Variants in ROBO1 observed in about 807,000 individuals in gnomAD.
The protein encoded by ROBO1 is roundabout homolog 1.
In ROBO1, 149 loss-of-function variants were observed where a neutral mutation model predicts 195.9. The ratio of observed to expected loss-of-function variants is 0.76; its 90% CI spans 0.67 to 0.87. ROBO1 has a LOEUF of 0.87. Ranked by LOEUF, ROBO1 falls within the 40% of genes least tolerant of loss-of-function variation. The pLI is 0.00. For synonymous variants in ROBO1, 816 were observed against 733.2 expected, an observed-to-expected ratio of 1.11 and a Z score of -1.82; for missense variants, 1,933 against 2,068.3, an observed-to-expected ratio of 0.93 and a Z score of 1.27.
Position 78,884,392 on chromosome 3 carries a change from G to C in ROBO1, c.499+54209C>G, listed in dbSNP as rs373195626. On this transcript the variant is annotated intron_variant, in intron 4 of 30. Transcript: ENST00000464233. ...TTTGGGAGGCCAAGGTGGGAGGATT[G>C]TTTGAGCTCAAGAGTTCAAGACCAG... Among the ~76,000 whole-genome samples, 9 of 152,030 alleles carry C rather than the reference G, an allele frequency of 5.9e-5. No individual in the cohort carries two copies. In the East Asian group the frequency reaches 1.5e-3, roughly 26 times the overall value.
chr3:78,659,849 GA>G, intron 16 of ROBO1, 42 bp from the exon 17 acceptor site: 1 of 1,537,370 alleles, frequency 6.5e-7, no homozygotes. Context: ...GAATGTGCTA[GA>G]GAACACTGAA....
chr3:78,607,703 T>C (rs1032009643), intron 28 of ROBO1, among the ~76,000 whole-genome samples: 2 of 152,198 alleles, frequency 1.3e-5, no homozygotes, highest in Non-Finnish European at 2.9e-5. Context: ...TGCATGCCTT[T>C]GCTCCTCAGA....
chr3:79,590,073 GAAAC>G, intron 1 of ROBO1, 112 bp from the exon 2 acceptor site: 3 of 516,416 alleles, frequency 5.8e-6, no homozygotes, highest in Non-Finnish European at 1.0e-5. Context: ...TTGAAATAAT[GAAAC>G]AAAATTATTA....
At chr3:79,019,144 C>G in intron 3 of ROBO1, 1 of 986,398 alleles carries the variant, frequency 1.0e-6, no homozygotes, top group Non-Finnish European at 1.2e-6. Context: ...AGCAGGACCG[C>G]GGACACTCGC....
rs143577597 is a variant in ROBO1 at position 78,931,892 on chromosome 3, C to T, written c.499+6709G>A. Among the ~76,000 whole-genome samples the T allele has an allele frequency of 8.7e-3, 1,322 of 152,168 alleles. 22 individuals are homozygous for T. Among genetic ancestry groups the T allele is most frequent in the African/African-American group, 0.03 (1,266 of 41,518 alleles). On this transcript the variant is annotated intron_variant, in intron 4 of 30. Transcript: ENST00000464233. ...TCAGAAGTCTGAGTTAGGAGGATCG[C>T]TTGAGCCCAGGAAGTTGAGTCTACA...
At chr3:78,672,211 T>C (rs1477155345) in intron 10 of ROBO1, among the ~76,000 whole-genome samples, 1 of 151,860 alleles carries the variant, frequency 6.6e-6, no homozygotes, top group Non-Finnish European at 1.5e-5. Context: ...AGACATATTA[T>C]GTACTGTAGT....
intron 28 of ROBO1, among the ~76,000 whole-genome samples, chr3:78,613,707 G>A (rs1405517331): frequency 6.6e-6 from 1 of 152,180 alleles, no homozygotes; most frequent in African/African-American, 2.4e-5. Context: ...CTGTCAAGTG[G>A]TAGGAATCAT....
intron 2 of ROBO1, among the ~76,000 whole-genome samples, chr3:79,436,409 C>T (rs1372970362): frequency 6.6e-6 from 1 of 151,778 alleles, no homozygotes; most frequent in African/African-American, 2.4e-5. Flanking sequence ...TTCCCCTTTA[C>T]CAGGGAACTC....
chr3:79,445,685 G>A (rs1196801295), intron 2 of ROBO1, among the ~76,000 whole-genome samples: 1 of 141,336 alleles, frequency 7.1e-6, no homozygotes, highest in East Asian at 2.1e-4. Context: ...TTTTTGAGAC[G>A]GAGTCTCGCT....
At position 79,001,569 on chromosome 3, in the gene ROBO1, T is replaced by C. The variant is rs755824479; in HGVS notation, c.173-62642A>G. ...AGGTACCCAGTAAAGGTTATATAAA[T>C]TATCCTAAAGAATAGAAGAGAGTTT... On this transcript the variant is annotated intron_variant, in intron 3 of 30. Coordinates refer to ENST00000464233, the MANE Select transcript of ROBO1 (RefSeq NM_002941.4). Among the ~76,000 whole-genome samples the C allele has an allele frequency of 2.2e-4, 33 of 152,110 alleles. 1 individual carries two copies. Among genetic ancestry groups the C allele is most frequent in the Non-Finnish European group, 3.8e-4 (26 of 68,002 alleles).
At chr3:78,872,899 G>A (rs1451133744) in intron 4 of ROBO1, among the ~76,000 whole-genome samples, 2 of 152,122 alleles carry the variant, frequency 1.3e-5, no homozygotes, top group Non-Finnish European at 2.9e-5. Context: ...ATATGAAGTA[G>A]TAAGGGTGTT....
intron 2 of ROBO1, among the ~76,000 whole-genome samples, chr3:79,149,497 G>T (rs2080720894): frequency 6.7e-6 from 1 of 150,330 alleles, no homozygotes. Flanking sequence ...CGCTTATTCA[G>T]TCTCTTCGAA....
intron 2 of ROBO1, among the ~76,000 whole-genome samples, chr3:79,580,426 G>A (rs1560011913): frequency 6.6e-6 from 1 of 150,550 alleles, no homozygotes; most frequent in Non-Finnish European, 1.5e-5. Flanking sequence ...AGGTTGCAGT[G>A]AGCCGAGATC....
intron 2 of ROBO1, chr3:79,508,097 C>T (rs930383635): frequency 1.3e-5 from 2 of 151,902 alleles, no homozygotes; most frequent in Non-Finnish European, 2.9e-5. Flanking sequence ...CACACTGGGG[C>T]CTGTTGGGGG....
At chr3:78,945,279 G>A (rs1335881353) in intron 3 of ROBO1, among the ~76,000 whole-genome samples, 11 of 152,208 alleles carry the variant, frequency 7.2e-5, no homozygotes, top group East Asian at 3.9e-4. Flanking sequence ...CAGTAGGGGC[G>A]GACTGACACC....
chr3:79,259,148 TTTG>T (rs995760556), intron 2 of ROBO1, among the ~76,000 whole-genome samples: 17 of 152,040 alleles, frequency 1.1e-4, no homozygotes, highest in Non-Finnish European at 8.8e-5. Flanking sequence ...AAATATACTT[TTTG>T]TTGTTGTTGT....
intron 3 of ROBO1, among the ~76,000 whole-genome samples, chr3:79,111,617 G>A (rs552011108): frequency 6.6e-6 from 1 of 152,204 alleles, no homozygotes; most frequent in African/African-American, 2.4e-5. Context: ...TCAACCCAGG[G>A]AGAGAAGGCT....
At chr3:79,424,565 T>C (rs1350602582) in intron 2 of ROBO1, among the ~76,000 whole-genome samples, 1 of 152,076 alleles carries the variant, frequency 6.6e-6, no homozygotes, top group East Asian at 1.9e-4. Flanking sequence ...GTAAACATAA[T>C]AATATGTTAC....
At chr3:78,957,743 G>C (rs1051833077) in intron 3 of ROBO1, among the ~76,000 whole-genome samples, 1 of 152,102 alleles carries the variant, frequency 6.6e-6, no homozygotes, top group Non-Finnish European at 1.5e-5. Context: ...CTCTTTAGGA[G>C]GCAAATAGAC....
Sources: allele counts gnomAD v4.1 joint callset (sites outside exome capture counted in the v4.1 genomes callset), GRCh38; gene constraint gnomAD v4.1.1; transcripts MANE v1.5; gene names NCBI Gene and HGNC (gene_info 2026-07-23, HGNC 2026-07-21).